The following PCSK2 variants were observed in gnomAD, a reference collection of about 807,000 sequenced individuals.
The protein encoded by PCSK2 is proprotein convertase subtilisin/kexin type 2.
PCSK2 carries 14 observed loss-of-function variants against 69.7 expected under a neutral mutation model. The observed-to-expected ratio is 0.20, with a 90% CI of 0.13 to 0.31. The LOEUF (loss-of-function observed/expected upper bound fraction) is 0.31. Ranked by LOEUF, PCSK2 falls within the 10% of genes least tolerant of loss-of-function variation. The probability of loss-of-function intolerance (pLI) is 1.00; values close to 1 mark genes in which losing one functional copy is unlikely to be tolerated. For missense variants in PCSK2, 544 were observed against 842.5 expected (o/e 0.65, Z 4.39); for synonymous variants, 307 against 320.7 (o/e 0.96, Z 0.46).
chr20:17,453,947 A>T lies in PCSK2; in HGVS notation c.1091A>T (p.Glu364Val). 6.2e-7 allele frequency: 1 copy of T among 1,614,200 alleles called. No homozygotes were observed. Among genetic ancestry groups the T allele is most frequent in the Non-Finnish European group, 8.5e-7 (1 of 1,180,046 alleles). ...TFSNGRKRNP[E>V]AGVATTDLYG... Reference sequence around the variant, plus strand: ...AGCAACGGGAGGAAAAGGAACCCCGAGGCCGGTGTGGTGAGCACGTCCCCT... The same window carrying T: ...AGCAACGGGAGGAAAAGGAACCCCGTGGCCGGTGTGGTGAGCACGTCCCCT... Residue 364 changes from glutamate to valine, a missense_variant, in exon 9 of 12, where the codon GAG (glutamate) becomes GTG (valine). This residue lies in a region of PCSK2 where 187 missense variants were observed against 399.8 expected (regional missense o/e 0.47). Transcript: ENST00000262545. This position sits in a 1 kb window ranked among gnomAD's most constrained non-coding sequence, Gnocchi z 4.0.
chr20:17,250,871 G>A (rs1031089593), intron 1 of PCSK2, among the ~76,000 whole-genome samples: 39 of 152,106 alleles, frequency 2.6e-4, no homozygotes, highest in Middle Eastern at 3.4e-3. Flanking sequence ...AGGTCAAGGC[G>A]GGCAGATCAC....
chr20:17,287,359 G>GA (rs1255052727), intron 2 of PCSK2, among the ~76,000 whole-genome samples: 1 of 151,802 alleles, frequency 6.6e-6, no homozygotes, highest in African/African-American at 2.4e-5. Context: ...AAAGCACCGT[G>GA]AAAAATACTT....
chr20:17,403,222 TCTGA>T (rs1372048152), intron 5 of PCSK2, among the ~76,000 whole-genome samples: 2 of 152,234 alleles, frequency 1.3e-5, no homozygotes, highest in African/African-American at 4.8e-5. Flanking sequence ...CAAACAAGTT[TCTGA>T]CTATGTATCT....
chr20:17,230,849 C>G (rs992823163), intron 1 of PCSK2, among the ~76,000 whole-genome samples: 5 of 152,122 alleles, frequency 3.3e-5, no homozygotes, highest in Non-Finnish European at 7.4e-5. Context: ...AATAAAAGCA[C>G]CTATAACTTT....
At chr20:17,414,498 C>A (rs1365441808) in intron 6 of PCSK2, among the ~76,000 whole-genome samples, 1 of 152,172 alleles carries the variant, frequency 6.6e-6, no homozygotes, top group Non-Finnish European at 1.5e-5. Context: ...GAAGTTGAAT[C>A]TCTGAATAGA....
chr20:17,338,314 A>G (rs1462208171), intron 2 of PCSK2, among the ~76,000 whole-genome samples: 1 of 151,974 alleles, frequency 6.6e-6, no homozygotes, highest in Non-Finnish European at 1.5e-5. Flanking sequence ...CTCCTGCCTC[A>G]GTCTCCTGAG....
chr20:17,268,033 GTATATATATATA>G (rs753655282), intron 2 of PCSK2, among the ~76,000 whole-genome samples: 3 of 66,340 alleles, frequency 4.5e-5, no homozygotes, highest in Non-Finnish European at 5.9e-5. Flanking sequence ...TATCCAATGT[GTATATATATATA>G]TATATATATA....
chr20:17,228,718 TC>T (rs1369397697), intron 1 of PCSK2, among the ~76,000 whole-genome samples: 2 of 152,172 alleles, frequency 1.3e-5, no homozygotes, highest in Admixed American at 1.3e-4. Flanking sequence ...CCCGCCTCTC[TC>T]CCAGCCACCG....
intron 2 of PCSK2, among the ~76,000 whole-genome samples, chr20:17,353,147 ACAGT>A (rs1415692561): frequency 6.6e-6 from 1 of 152,218 alleles, no homozygotes; most frequent in Non-Finnish European, 1.5e-5. Context: ...CCATCTCACA[ACAGT>A]CAGAATTGCT....
intron 1 of PCSK2, among the ~76,000 whole-genome samples, chr20:17,236,666 A>G (rs1371225563): frequency 6.6e-6 from 1 of 152,164 alleles, no homozygotes; most frequent in Non-Finnish European, 1.5e-5. Flanking sequence ...TTTTATCAGA[A>G]CTTCAATTAC....
At chr20:17,290,242 C>T (rs981908920) in intron 2 of PCSK2, among the ~76,000 whole-genome samples, 2 of 152,172 alleles carry the variant, frequency 1.3e-5, no homozygotes, top group African/African-American at 2.4e-5. Flanking sequence ...CACAGTAGGT[C>T]TTCAGTTAGT....
chr20:17,227,354 T>G lies in PCSK2; in HGVS notation c.49T>G (p.Phe17Val), dbSNP rs371979423. ...SQWKAAAGFL[F>V]CVMVFASAER... ...GTGGAAGGCGGCCGCCGGGTTCCTC[T>G]TCTGTGTCATGGTTTTTGCATCTGC... Residue 17 changes from phenylalanine to valine, a missense_variant, in exon 1 of 12, where the codon TTC becomes GTC. This residue lies in a region of PCSK2 where 157 missense variants were observed against 155.0 expected (regional missense o/e 1.01). Transcript: ENST00000262545. 1.9e-6 allele frequency: 3 copies of G among 1,613,906 alleles called. No homozygotes were observed. In the African/African-American group the frequency reaches 4.0e-5, roughly 22 times the overall value.
intron 5 of PCSK2, among the ~76,000 whole-genome samples, chr20:17,404,042 A>C (rs2031700991): frequency 6.6e-6 from 1 of 152,200 alleles, no homozygotes; most frequent in African/African-American, 2.4e-5. Context: ...AATGAGCAAA[A>C]GGCAGCCCCT....
At chr20:17,240,247 G>T (rs1180059081) in intron 1 of PCSK2, among the ~76,000 whole-genome samples, 1 of 152,012 alleles carries the variant, frequency 6.6e-6, no homozygotes, top group South Asian at 2.1e-4. Context: ...CAGTGTGGGA[G>T]GAGACTAACC....
chr20:17,402,499 C>T (rs537406868), intron 5 of PCSK2, among the ~76,000 whole-genome samples: 9 of 151,914 alleles, frequency 5.9e-5, no homozygotes, highest in Admixed American at 2.0e-4. Context: ...GGCAAAACCC[C>T]GTCTCTACTA....
chr20:17,308,001 G>A (rs1426463193), intron 2 of PCSK2, among the ~76,000 whole-genome samples: 4 of 152,166 alleles, frequency 2.6e-5, no homozygotes, highest in African/African-American at 4.8e-5. Context: ...GCAGGAGCAG[G>A]AGCAAAAGAA....
At chr20:17,455,844 T>C (rs891412639) in intron 9 of PCSK2, among the ~76,000 whole-genome samples, 1 of 152,230 alleles carries the variant, frequency 6.6e-6, no homozygotes, top group African/African-American at 2.4e-5. Context: ...CCCTTTTACG[T>C]GGGCTACTAG....
At chr20:17,336,049 C>T (rs1328068794) in intron 2 of PCSK2, among the ~76,000 whole-genome samples, 7 of 152,114 alleles carry the variant, frequency 4.6e-5, no homozygotes, top group East Asian at 1.9e-4. Context: ...AAGAGAGGAA[C>T]ACAGGTTCTA....
chr20:17,383,782 C>T (rs1169129876), intron 5 of PCSK2, among the ~76,000 whole-genome samples: 1 of 152,164 alleles, frequency 6.6e-6, no homozygotes, highest in South Asian at 2.1e-4. Context: ...TCTTGAGAAA[C>T]GTGGTGTTAC....
Sources: gnomAD v4.1 joint callset for allele counts (sites outside exome capture counted in the v4.1 genomes callset) on GRCh38, gnomAD v4.1.1 for gene constraint, gnomAD v4.1.1 regional missense constraint, Gnocchi (gnomAD v3.1) non-coding constraint, MANE v1.5 for transcripts, NCBI Gene and HGNC (gene_info 2026-07-23, HGNC 2026-07-21) for gene names.